Variants in CEBPZ observed in about 807,000 individuals in gnomAD.
CEBPZ encodes the protein CCAAT/enhancer-binding protein zeta.
CEBPZ carries 78 observed loss-of-function variants against 104.5 expected under a neutral mutation model. The ratio of observed to expected loss-of-function variants is 0.75; its 90% confidence interval spans 0.62 to 0.90. CEBPZ has a LOEUF of 0.90. CEBPZ is among the 40% of genes least tolerant of loss of function. The pLI is 0.00. For synonymous variants in CEBPZ, 470 were observed against 427.0 expected (o/e 1.10, Z -1.24); for missense variants, 1,439 against 1,233.5 (o/e 1.17, Z -2.50).
intron 13 of CEBPZ, chr2:37,210,125 T>A (rs1677673026): frequency 6.6e-6 from 1 of 152,000 alleles, no homozygotes. Context: ...TAAAAAAAAT[T>A]TCAGATGTTG....
chr2:37,224,931 T>C (rs930956829), intron 2 of CEBPZ, among the ~76,000 whole-genome samples: 3 of 152,186 alleles, frequency 2.0e-5, no homozygotes, highest in African/African-American at 7.2e-5. Context: ...TAGACTATGA[T>C]GTTAAATAGA....
At chr2:37,224,292 A>G (rs1664832719) in intron 2 of CEBPZ, among the ~76,000 whole-genome samples, 4 of 152,294 alleles carry the variant, frequency 2.6e-5, no homozygotes, top group Non-Finnish European at 5.9e-5. Context: ...TAGGTGCTGA[A>G]TCCTACACAT....
At position 37,227,871 on chromosome 2, in the gene CEBPZ, G is replaced by A. The variant is rs745359319; in HGVS notation, c.1322C>T (p.Ala441Val). 9 of 1,614,010 alleles carry A rather than the reference G, an allele frequency of 5.6e-6. No homozygotes were observed. Among genetic ancestry groups the A allele is most frequent in the African/African-American group, 2.7e-5 (2 of 74,942 alleles). The change falls in exon 2 of 16, where the codon GCA becomes GTA. Residue 441 changes from alanine to valine, a missense_variant. Transcript: ENST00000234170. ...SNISSKAQYY[A>V]ICFLNQMALS... ...AGCCATTTGATTTAAAAAGCAAATTGCATAATATTGAGCTTTGGAGCTGAT... is the reference window on the plus strand; with the variant it reads ...AGCCATTTGATTTAAAAAGCAAATTACATAATATTGAGCTTTGGAGCTGAT...
At chr2:37,213,725 T>G in intron 10 of CEBPZ, 139 bp downstream of exon 10, 1 of 605,724 alleles carries the variant, frequency 1.7e-6, no homozygotes, top group Non-Finnish European at 2.8e-6. Context: ...CAAATATTTC[T>G]TAATCTTCCA....
chr2:37,228,732 C>T lies in CEBPZ; in HGVS notation c.461G>A (p.Ser154Asn), dbSNP rs767365580. 1.9e-6 allele frequency: 3 copies of T among 1,614,070 alleles called. No homozygotes were observed. The Admixed American group carries it at 5.0e-5, about 27-fold the overall frequency. The change falls in exon 2 of 16, where the codon AGT becomes AAT. Residue 154 changes from serine (S) to asparagine (N), a missense_variant. Physicochemically the swap from Ser to Asn is conservative, Grantham distance 46 (BLOSUM62 1). Transcript: ENST00000234170. ...ATCTTTCTTTACTTTCGGTGTGGTA[C>T]TGCCATTCTCATCAGAATGTGGTTC... ...RPEPHSDENG[S>N]TTPKVKKDKQ...
At chr2:37,207,515 T>C (rs571178705) in intron 13 of CEBPZ, among the ~76,000 whole-genome samples, 4 of 152,280 alleles carry the variant, frequency 2.6e-5, no homozygotes, top group Non-Finnish European at 4.4e-5. Context: ...CAAAACTATA[T>C]ACAAATACAT....
chr2:37,227,172 G>A (rs1163017440), intron 2 of CEBPZ, among the ~76,000 whole-genome samples: 1 of 152,212 alleles, frequency 6.6e-6, no homozygotes, highest in Non-Finnish European at 1.5e-5. Flanking sequence ...GAGGACTGAG[G>A]AGAATGGGAA....
chr2:37,210,883 AC>A lies in CEBPZ; in HGVS notation c.2884+115del, dbSNP rs984145741. 252 of 437,958 alleles carry A rather than the reference AC, an allele frequency of 5.8e-4. 1 individual carries two copies. The highest frequency in any genetic ancestry group is 3.5e-3 in the African/African-American group (168 of 48,106). 27.1% of individuals were successfully genotyped at this position (437,958 alleles called of 1,614,324 possible). A position where few individuals can be genotyped will look rare whatever the true frequency, so the allele number is the denominator to read the frequency against. On this transcript the variant is annotated intron_variant, in intron 13 of 15. Coordinates refer to ENST00000234170, the MANE Select transcript of CEBPZ (RefSeq NM_005760.3). ...CCACTTAACATCTTTCTTAAAAAGA[AC>A]CCCCCCCACCCCTGAATTTTATTAA...
chr2:37,217,684 C>T (rs957311678), intron 5 of CEBPZ, among the ~76,000 whole-genome samples: 4 of 151,100 alleles, frequency 2.6e-5, no homozygotes, highest in Non-Finnish European at 4.4e-5. Flanking sequence ...GGGCGGATCA[C>T]GAGGTCAGGA....
chr2:37,203,526 T>G (rs537687415), intron 13 of CEBPZ: 1 of 152,384 alleles, frequency 6.6e-6, no homozygotes, highest in East Asian at 1.9e-4. Context: ...ATTCAAACTC[T>G]GCATCTTTGA....
rs1253439106 is a variant in CEBPZ at position 37,229,018 on chromosome 2, C to T, written c.175G>A (p.Ala59Thr). 9.6e-6 allele frequency: 15 copies of T among 1,560,084 alleles called. No homozygotes were observed. Among genetic ancestry groups the T allele is most frequent in the Non-Finnish European group, 1.3e-5 (15 of 1,158,634 alleles). ...GGTKQDYLMLATLDENEEVID... is the reference protein window; with the variant it reads ...GGTKQDYLMLTTLDENEEVID... ...ACTTCCTCATTCTCATCCAAAGTAG[C>T]CAGCATAAGGTAATCTTGCTGCATT... Residue 59 changes from alanine to threonine, a missense_variant, in exon 2 of 16, where the codon GCT (alanine) becomes ACT (threonine). By Grantham distance (58) the Ala-to-Thr change is moderately conservative (BLOSUM62 0). Transcript: ENST00000234170.
In CEBPZ at chr2:37,228,841, C is replaced by G. The variant is rs755579492; in HGVS notation, c.352G>C (p.Val118Leu). Residue 118 changes from valine (V) to leucine (L), a missense_variant, in exon 2 of 16, where the codon GTA (valine) becomes CTA (leucine). Transcript: ENST00000234170. ...AEKENSSKKE[V>L]KIPKINNKNT... The stretch of plus-strand genomic sequence containing the variant: ...TTATTATTTATTTTAGGTATTTTTA[C>G]TTCTTTTTTGCTGGAATTTTCTTTT... The G allele has an allele frequency of 6.2e-7, 1 of 1,601,006 alleles. No homozygotes were observed. Among genetic ancestry groups the G allele is most frequent in the Non-Finnish European group, 8.5e-7 (1 of 1,176,200 alleles).
chr2:37,222,606 A>C, intron 3 of CEBPZ, 43 bp from the exon 4 acceptor site: 1 of 1,402,684 alleles, frequency 7.1e-7, no homozygotes, highest in Non-Finnish European at 9.6e-7. Flanking sequence ...AATCAACTGG[A>C]AGTTGCAATA....
At chr2:37,229,642 T>G (rs1162876104) in intron 1 of CEBPZ, among the ~76,000 whole-genome samples, 2 of 152,212 alleles carry the variant, frequency 1.3e-5, no homozygotes, top group Non-Finnish European at 2.9e-5. Context: ...GAGGACAATT[T>G]GTCAACTCCA....
intron 5 of CEBPZ, among the ~76,000 whole-genome samples, chr2:37,217,672 G>A (rs1664649616): frequency 6.6e-6 from 1 of 151,820 alleles, no homozygotes; most frequent in African/African-American, 2.4e-5. Context: ...GGAGGCTGAG[G>A]TGGGCGGATC....
At position 37,203,025 on chromosome 2, in the gene CEBPZ, G is replaced by C; in HGVS notation, c.2885-17C>G. 6.8e-7 allele frequency: 1 copy of C among 1,476,278 alleles called. No homozygotes were observed. The highest frequency in any genetic ancestry group is 9.1e-7 in the Non-Finnish European group (1 of 1,094,960). 91.4% of individuals were successfully genotyped at this position (1,476,278 alleles called of 1,614,324 possible). On this transcript the variant is annotated splice_polypyrimidine_tract_variant and intron_variant, in intron 13 of 15. Transcript: ENST00000234170. Reference sequence around the variant, plus strand: ...TTCTTGGCCCTAAAAAAAATTGTAAGTCTACATTATTCAATTATAAATCTA... The same window carrying C: ...TTCTTGGCCCTAAAAAAAATTGTAACTCTACATTATTCAATTATAAATCTA...
At chr2:37,217,757 C>G (rs1358781115) in intron 5 of CEBPZ, among the ~76,000 whole-genome samples, 1 of 150,484 alleles carries the variant, frequency 6.6e-6, no homozygotes, top group East Asian at 2.0e-4. Context: ...AAAAAATTAG[C>G]CGGGCGTGGT....
intron 2 of CEBPZ, 64 bp downstream of exon 2, chr2:37,227,480 C>G: frequency 2.0e-6 from 3 of 1,482,230 alleles, no homozygotes; most frequent in Non-Finnish European, 2.7e-6. Context: ...ACAGAGGGCA[C>G]TGCTTGTGCT....
chr2:37,227,863 A>C lies in CEBPZ; in HGVS notation c.1330T>G (p.Phe444Val), dbSNP rs1457507065. The C allele has an allele frequency of 1.2e-6, 2 of 1,614,044 alleles. No homozygotes were observed. The highest frequency in any genetic ancestry group is 1.7e-6 in the Non-Finnish European group (2 of 1,180,058). The part of the protein sequence containing the change: ...SSKAQYYAIC[F>V]LNQMALSHEE... ...TGGGACAGAGCCATTTGATTTAAAA[A>C]GCAAATTGCATAATATTGAGCTTTG... The change falls in exon 2 of 16, where the codon TTT becomes GTT. Residue 444 changes from phenylalanine to valine, a missense_variant. Phe to Val is a conservative substitution (Grantham distance 50). Coordinates refer to ENST00000234170, the MANE Select transcript of CEBPZ (RefSeq NM_005760.3).
Sources: gnomAD v4.1 joint callset for allele counts (sites outside exome capture counted in the v4.1 genomes callset) on GRCh38, gnomAD v4.1.1 for gene constraint, MANE v1.5 for transcripts, NCBI Gene and HGNC (gene_info 2026-07-23, HGNC 2026-07-21) for gene names.